The following PRKG1 variants were observed in gnomAD, a reference collection of about 807,000 sequenced individuals.
The protein encoded by PRKG1 is cGMP-dependent protein kinase 1.
In PRKG1, 35 loss-of-function variants were observed where a neutral mutation model predicts 88.1. That is an observed-to-expected ratio of 0.40 (90% CI 0.30 to 0.53). PRKG1 has a LOEUF of 0.53. Ranked by LOEUF, PRKG1 falls within the 20% of genes least tolerant of loss-of-function variation. The pLI is 0.59. For missense variants in PRKG1, 540 were observed against 839.8 expected, an observed-to-expected ratio of 0.64 and a Z score of 4.41; for synonymous variants, 303 against 292.5, an observed-to-expected ratio of 1.04 and a Z score of -0.37.
At chr10:52,242,083 A>C (rs1440059628) in intron 9 of PRKG1, 1 of 152,194 alleles carries the variant, frequency 6.6e-6, no homozygotes, top group African/African-American at 2.4e-5. Context: ...GTGAAGCAAT[A>C]ACATGAAGAT....
intron 10 of PRKG1, 87 bp from the exon 11 acceptor site, chr10:52,271,263 T>G (rs1001900803): frequency 7.3e-6 from 10 of 1,375,968 alleles, no homozygotes; most frequent in Non-Finnish European, 9.9e-6. Flanking sequence ...TTCATTTAAG[T>G]GCGCCATGTA....
intron 3 of PRKG1, among the ~76,000 whole-genome samples, chr10:51,513,187 G>A (rs989590408): frequency 6.7e-6 from 1 of 148,708 alleles, no homozygotes; most frequent in South Asian, 2.2e-4. Flanking sequence ...AAAGGCAGGG[G>A]TTGCAATCCT....
At chr10:51,647,072 A>G (rs1419407960) in intron 3 of PRKG1, among the ~76,000 whole-genome samples, 2 of 151,728 alleles carry the variant, frequency 1.3e-5, no homozygotes, top group Non-Finnish European at 1.5e-5. Flanking sequence ...TCCAGCCCAT[A>G]ATATATATCT....
At chr10:51,224,414 T>C (rs1292841194) in intron 2 of PRKG1, among the ~76,000 whole-genome samples, 1 of 152,218 alleles carries the variant, frequency 6.6e-6, no homozygotes, top group African/African-American at 2.4e-5. Flanking sequence ...GAAGTTGTCA[T>C]TGTCTAGCAA....
In PRKG1 at chr10:52,034,002, C is replaced by T. The variant is rs559034937; in HGVS notation, c.763-20482C>T. 9.2e-3 allele frequency among the ~76,000 whole-genome samples: 1,389 copies of T among 151,364 alleles called. 23 individuals are homozygous for T. Among genetic ancestry groups the T allele is most frequent in the African/African-American group, 0.032 (1,295 of 40,944 alleles). ...GGGTGCTTTTTGAGCCAGGATGAGC[C>T]AGGAAAAGGACTTTCACAAGGTAAT... On this transcript the variant is annotated intron_variant, in intron 5 of 17. Transcript: ENST00000373980.
At chr10:51,825,401 A>T (rs192840853) in intron 4 of PRKG1, among the ~76,000 whole-genome samples, 1 of 152,332 alleles carries the variant, frequency 6.6e-6, no homozygotes, top group African/African-American at 2.4e-5. Context: ...AAGAATAAAA[A>T]TCAGTCCTCT....
intron 7 of PRKG1, among the ~76,000 whole-genome samples, chr10:52,089,341 C>T (rs1459022631): frequency 6.6e-6 from 1 of 152,160 alleles, no homozygotes; most frequent in Non-Finnish European, 1.5e-5. Context: ...GTTATCTAAT[C>T]CTGTCTTCTT....
At chr10:51,408,380 G>A (rs1837983302) in intron 2 of PRKG1, among the ~76,000 whole-genome samples, 1 of 152,208 alleles carries the variant, frequency 6.6e-6, no homozygotes, top group African/African-American at 2.4e-5. Flanking sequence ...TAAAGTGAGT[G>A]CCTTGGTTAG....
chr10:51,619,162 A>G (rs1839143810), intron 3 of PRKG1, among the ~76,000 whole-genome samples: 2 of 152,230 alleles, frequency 1.3e-5, no homozygotes, highest in South Asian at 2.1e-4. Context: ...GTGAGGGGGA[A>G]AGAGCAGAGA....
intron 5 of PRKG1, among the ~76,000 whole-genome samples, chr10:52,053,191 C>A (rs997661945): frequency 2.6e-5 from 4 of 151,334 alleles, no homozygotes; most frequent in African/African-American, 9.7e-5. Flanking sequence ...CTGTATATAT[C>A]ATCTGGTGGT....
chr10:52,232,330 C>G (rs1251653080), intron 9 of PRKG1, among the ~76,000 whole-genome samples: 1 of 144,842 alleles, frequency 6.9e-6, no homozygotes, highest in African/African-American at 2.5e-5. Flanking sequence ...AAACAAAAAA[C>G]AAAAAAAAAA....
At chr10:52,175,795 G>T (rs1168119482) in intron 9 of PRKG1, among the ~76,000 whole-genome samples, 3 of 152,012 alleles carry the variant, frequency 2.0e-5, no homozygotes, top group Non-Finnish European at 4.4e-5. Flanking sequence ...TATGTCTTCT[G>T]TTGAAAAATA....
intron 2 of PRKG1, among the ~76,000 whole-genome samples, chr10:51,426,585 A>G (rs759657576): frequency 6.6e-6 from 1 of 152,228 alleles, no homozygotes; most frequent in Non-Finnish European, 1.5e-5. Flanking sequence ...AGGTACTCAA[A>G]TTAACCTGAA....
At chr10:51,412,154 G>A (rs145648402) in intron 2 of PRKG1, among the ~76,000 whole-genome samples, 3 of 146,584 alleles carry the variant, frequency 2.0e-5, no homozygotes, top group Non-Finnish European at 4.5e-5. Flanking sequence ...TTATTTAAGG[G>A]ACCAAGCTGA....
chr10:51,358,934 T>TG (rs56324062), intron 2 of PRKG1, among the ~76,000 whole-genome samples: 6,828 of 133,912 alleles, frequency 0.051, 218 homozygotes, highest in African/African-American at 0.096. Context: ...CGTTATTTAT[T>TG]GGGGGGGGGG....
At chr10:51,155,185 T>A (rs1270040973) in intron 2 of PRKG1, among the ~76,000 whole-genome samples, 1 of 152,064 alleles carries the variant, frequency 6.6e-6, no homozygotes, top group Non-Finnish European at 1.5e-5. Context: ...ATCTTAAATA[T>A]TTCTTACAAA....
chr10:51,660,868 A>G (rs1265330168), intron 3 of PRKG1, among the ~76,000 whole-genome samples: 4 of 152,236 alleles, frequency 2.6e-5, no homozygotes, highest in Admixed American at 6.5e-5. Context: ...TTTAATCATA[A>G]CAACATATCT....
intron 3 of PRKG1, among the ~76,000 whole-genome samples, chr10:51,621,447 C>T (rs1195261490): frequency 6.6e-6 from 1 of 151,974 alleles, no homozygotes; most frequent in Non-Finnish European, 1.5e-5. Context: ...ACTGCATTGT[C>T]TCAAGATGGC....
intron 7 of PRKG1, among the ~76,000 whole-genome samples, chr10:52,081,201 T>G (rs1029782023): frequency 1.3e-5 from 2 of 152,170 alleles, no homozygotes; most frequent in Non-Finnish European, 2.9e-5. Flanking sequence ...ACTTTGGAGT[T>G]AATGTGGTAC....
Sources: gnomAD v4.1 joint callset for allele counts (sites outside exome capture counted in the v4.1 genomes callset) on GRCh38, gnomAD v4.1.1 for gene constraint, MANE v1.5 for transcripts, NCBI Gene and HGNC (gene_info 2026-07-23, HGNC 2026-07-21) for gene names.